STAM: variants seen among roughly 807,000 people sequenced by gnomAD.
STAM encodes signal transducing adapter molecule 1.
In STAM, 16 loss-of-function variants were observed where a neutral mutation model predicts 63.4. The ratio of observed to expected loss-of-function variants is 0.25; its 90% confidence interval spans 0.17 to 0.38. The LOEUF (loss-of-function observed/expected upper bound fraction) is 0.38. Ranked by LOEUF, STAM falls within the 10% of genes least tolerant of loss-of-function variation. STAM has a pLI of 1.00. For synonymous variants in STAM, 238 were observed against 223.9 expected, an observed-to-expected ratio of 1.06 and a Z score of -0.56; for missense variants, 636 against 657.1, an observed-to-expected ratio of 0.97 and a Z score of 0.35.
chr10:17,682,709 T>A (rs782458012), intron 2 of STAM, among the ~76,000 whole-genome samples: 23 of 152,080 alleles, frequency 1.5e-4, no homozygotes, highest in Non-Finnish European at 2.4e-4. Context: ...TGAAAAAAAA[T>A]GTGTATAATG....
intron 2 of STAM, among the ~76,000 whole-genome samples, chr10:17,678,402 G>C (rs531828686): frequency 6.6e-6 from 1 of 152,164 alleles, no homozygotes; most frequent in East Asian, 1.9e-4. Context: ...TGGGGTACAT[G>C]CCACTGTGCC....
intron 8 of STAM, among the ~76,000 whole-genome samples, chr10:17,697,801 T>C (rs1042475677): frequency 6.6e-5 from 10 of 152,140 alleles, no homozygotes; most frequent in Non-Finnish European, 1.2e-4. Flanking sequence ...AAAGAGCTTA[T>C]ATGTATAGGT....
rs1554828957 is a variant in STAM, at chr10:17,704,494, C to G, written c.976C>G (p.Leu326Val). ...AGACCCCAGTGATGATCAGCCAGACCTACCAGAGCTGCTTCATCTTGAAGG... is the reference window on the plus strand; with the variant it reads ...AGACCCCAGTGATGATCAGCCAGACGTACCAGAGCTGCTTCATCTTGAAGG... ...STDPSDDQPD[L>V]PELLHLEAMC... Residue 326 changes from leucine to valine, a missense_variant, in exon 10 of 14, where the codon CTA becomes GTA. Leu to Val is a conservative substitution (Grantham distance 32, BLOSUM62 1). Around this residue, in one of 3 missense-constraint regions of STAM, gnomAD observed 532 missense variants for 536.9 expected, o/e 0.99. Coordinates refer to ENST00000377524, the MANE Select transcript of STAM (RefSeq NM_003473.4). 1 of 1,614,098 alleles carries G rather than the reference C, an allele frequency of 6.2e-7. No individual in the cohort carries two copies. The highest frequency in any genetic ancestry group is 8.5e-7 in the Non-Finnish European group (1 of 1,179,996).
intron 1 of STAM, among the ~76,000 whole-genome samples, chr10:17,646,759 A>G (rs561868558): frequency 1.3e-5 from 2 of 152,240 alleles, no homozygotes; most frequent in South Asian, 2.1e-4. Flanking sequence ...CACAGAGTCC[A>G]GTAGACTCAT....
At chr10:17,689,566 A>C (rs116626483) in intron 5 of STAM, among the ~76,000 whole-genome samples, 2,615 of 152,348 alleles carry the variant, frequency 0.017, 58 homozygotes, top group South Asian at 0.073. Flanking sequence ...TTTACTACTC[A>C]GTATAGTTTC....
chr10:17,707,197 C>T (rs1301361969), intron 12 of STAM, among the ~76,000 whole-genome samples: 1 of 152,078 alleles, frequency 6.6e-6, no homozygotes, highest in Non-Finnish European at 1.5e-5. Flanking sequence ...ATCACGAGGT[C>T]AGGAGATGGA....
chr10:17,657,508 C>T (rs1401261318), intron 1 of STAM, among the ~76,000 whole-genome samples: 1 of 152,210 alleles, frequency 6.6e-6, no homozygotes, highest in Non-Finnish European at 1.5e-5. Flanking sequence ...TCCTCTGCTT[C>T]TATATACTGC....
intron 5 of STAM, among the ~76,000 whole-genome samples, chr10:17,689,916 AGAG>A (rs1835457002): frequency 6.6e-6 from 1 of 152,234 alleles, no homozygotes. Flanking sequence ...CTGCTGCTCT[AGAG>A]GACAGCCTTC....
intron 2 of STAM, among the ~76,000 whole-genome samples, chr10:17,683,710 A>G (rs1256215031): frequency 6.6e-6 from 1 of 152,216 alleles, no homozygotes; most frequent in East Asian, 1.9e-4. Flanking sequence ...CAGCATGCTT[A>G]TAATAGCTTA....
At chr10:17,704,909 C>G in intron 10 of STAM, 61 bp from the exon 11 acceptor site, 1 of 1,336,036 alleles carries the variant, frequency 7.5e-7, no homozygotes, top group African/African-American at 1.5e-5. Flanking sequence ...AAATATCTAT[C>G]AAAGGTTCAC....
At chr10:17,698,016 A>G (rs1554827837) in intron 8 of STAM, among the ~76,000 whole-genome samples, 1 of 152,346 alleles carries the variant, frequency 6.6e-6, no homozygotes, top group Admixed American at 6.5e-5. Context: ...ACATATTTAT[A>G]GAATAAATGA....
At chr10:17,707,976 C>T (rs1256082912) in intron 12 of STAM, among the ~76,000 whole-genome samples, 7 of 151,874 alleles carry the variant, frequency 4.6e-5, no homozygotes, top group African/African-American at 9.7e-5. Context: ...CTGCCAGCTC[C>T]GCCTCCTGGG....
In STAM at chr10:17,695,036, C is replaced by T; in HGVS notation, c.536-13C>T. ...ATAACATTTTGGGTCTTTAAAAACTCATTGTTTTCTAGCCATTGAGTTGTC... is the reference window on the plus strand; with the variant it reads ...ATAACATTTTGGGTCTTTAAAAACTTATTGTTTTCTAGCCATTGAGTTGTC... On this transcript the variant is annotated splice_polypyrimidine_tract_variant and intron_variant, in intron 6 of 13. Transcript: ENST00000377524. 6.2e-7 allele frequency: 1 copy of T among 1,609,762 alleles called. No homozygotes were observed. The highest frequency in any genetic ancestry group is 1.1e-5 in the South Asian group (1 of 90,240).
At chr10:17,646,467 C>G (rs1196929040) in intron 1 of STAM, among the ~76,000 whole-genome samples, 1 of 152,144 alleles carries the variant, frequency 6.6e-6, no homozygotes, top group Non-Finnish European at 1.5e-5. Flanking sequence ...TTTGCCTTTA[C>G]CGAATTATTT....
intron 2 of STAM, among the ~76,000 whole-genome samples, chr10:17,662,876 G>T (rs1485413707): frequency 6.6e-6 from 1 of 152,204 alleles, no homozygotes; most frequent in African/African-American, 2.4e-5. Flanking sequence ...GACAGTTTCT[G>T]TTGAAGACTG....
chr10:17,705,118 A>T (rs1286319241), intron 11 of STAM, 94 bp downstream of exon 11: 9 of 1,022,490 alleles, frequency 8.8e-6, no homozygotes, highest in Non-Finnish European at 1.2e-5. Context: ...TTAAAAAAAA[A>T]ATATTGTGGA....
chr10:17,656,295 A>C (rs1554822144), intron 1 of STAM, among the ~76,000 whole-genome samples: 4 of 118,520 alleles, frequency 3.4e-5, no homozygotes, highest in Admixed American at 8.7e-5. Context: ...CTCCGTCTTA[A>C]AAAAAAAAAA....
chr10:17,714,829 A>G lies in STAM; in HGVS notation c.*49A>G, dbSNP rs191976868. On this transcript the variant is annotated 3_prime_UTR_variant, in exon 14 of 14. Coordinates refer to ENST00000377524, the MANE Select transcript of STAM (RefSeq NM_003473.4). Reference sequence around the variant, plus strand: ...AGATACCTGCTAAATGCCACTGACAATGTTATGAGATTCATTACTATCTTA... The same window carrying G: ...AGATACCTGCTAAATGCCACTGACAGTGTTATGAGATTCATTACTATCTTA... 2.5e-5 allele frequency: 37 copies of G among 1,476,684 alleles called. No homozygotes were observed. The highest frequency in any genetic ancestry group is 1.8e-4 in the African/African-American group (13 of 72,130). The allele number at this position is 1,476,684 out of a possible 1,614,324, so 91.5% of individuals were successfully genotyped here.
intron 2 of STAM, among the ~76,000 whole-genome samples, chr10:17,675,407 G>A (rs1834807603): frequency 6.6e-6 from 1 of 152,006 alleles, no homozygotes; most frequent in South Asian, 2.1e-4. Flanking sequence ...GGAAGGCTGA[G>A]GTGGGAGAAT....
Sources: allele counts gnomAD v4.1 joint callset (sites outside exome capture counted in the v4.1 genomes callset), GRCh38; gene constraint gnomAD v4.1.1; regional missense constraint gnomAD v4.1.1; transcripts MANE v1.5; gene names NCBI Gene and HGNC (gene_info 2026-07-23, HGNC 2026-07-21).